The following STPG2 variants were observed in gnomAD, a reference collection of about 807,000 sequenced individuals.
STPG2 encodes sperm tail PG-rich repeat containing 2.
STPG2 carries 56 observed loss-of-function variants against 54.2 expected under a neutral mutation model. That is an observed-to-expected ratio of 1.03 (90% CI 0.83 to 1.29). The LOEUF is 1.29. Among genes scored for constraint, STPG2 ranks in the 50% most tolerant of loss-of-function variants. The pLI is 0.00. For synonymous variants in STPG2, 200 were observed against 181.8 expected (o/e 1.10, Z -0.81); for missense variants, 596 against 544.9 (o/e 1.09, Z -0.93).
chr4:97,988,028 AC>A, intron 5 of STPG2, among the ~76,000 whole-genome samples: 1 of 48,592 alleles, frequency 2.1e-5, no homozygotes, highest in Non-Finnish European at 5.1e-5. Context: ...TCTGAATGTC[AC>A]ACACACACAC....
chr4:97,931,220 GC>G (rs1211138553), intron 8 of STPG2, among the ~76,000 whole-genome samples: 2 of 152,114 alleles, frequency 1.3e-5, no homozygotes, highest in South Asian at 2.1e-4. Context: ...CCAATACTAT[GC>G]TGAATAAAAG....
At chr4:97,456,849 C>T (rs760125421) in intron 4 of STPG2, among the ~76,000 whole-genome samples, 7 of 141,520 alleles carry the variant, frequency 4.9e-5, no homozygotes, top group Admixed American at 2.8e-4. Context: ...GAGCTGAGAT[C>T]GCGCCACCGC....
intron 9 of STPG2, among the ~76,000 whole-genome samples, chr4:97,776,652 T>C (rs1294597837): frequency 6.6e-6 from 1 of 152,290 alleles, no homozygotes; most frequent in African/African-American, 2.4e-5. Flanking sequence ...ATTGGAATGA[T>C]AGGTGAAATT....
At chr4:97,806,203 T>C (rs1299462562) in intron 9 of STPG2, among the ~76,000 whole-genome samples, 1 of 152,166 alleles carries the variant, frequency 6.6e-6, no homozygotes, top group African/African-American at 2.4e-5. Flanking sequence ...AGAATGAAAC[T>C]GTGTCCTTGG....
At chr4:98,143,004 T>C (rs1365936640) in intron 1 of STPG2, 38 bp downstream of exon 1, 1 of 1,550,720 alleles carries the variant, frequency 6.4e-7, no homozygotes, top group Non-Finnish European at 8.8e-7. Context: ...GAAGATAGGA[T>C]GCCTGTCACA....
intron 8 of STPG2, among the ~76,000 whole-genome samples, chr4:97,890,985 T>G (rs1045552351): frequency 4.0e-5 from 6 of 151,876 alleles, no homozygotes; most frequent in Non-Finnish European, 8.8e-5. Flanking sequence ...AATTAAGAAT[T>G]AGTATTATAG....
At chr4:97,711,435 T>C (rs970723983) in intron 10 of STPG2, among the ~76,000 whole-genome samples, 19 of 152,114 alleles carry the variant, frequency 1.2e-4, no homozygotes, top group African/African-American at 4.3e-4. Flanking sequence ...ATACCCACCC[T>C]TGACTTCCAC....
At chr4:97,741,064 C>G (rs1429725503) in intron 9 of STPG2, among the ~76,000 whole-genome samples, 1 of 152,096 alleles carries the variant, frequency 6.6e-6, no homozygotes, top group East Asian at 1.9e-4. Context: ...CACCGCATAT[C>G]TACAACTATC....
chr4:98,075,552 A>T (rs1262133686), intron 5 of STPG2, among the ~76,000 whole-genome samples: 1 of 152,210 alleles, frequency 6.6e-6, no homozygotes, highest in Non-Finnish European at 1.5e-5. Context: ...TGGAATCTTT[A>T]TCCCTTAAGT....
At chr4:97,467,696 T>G (rs991714310) in intron 4 of STPG2, among the ~76,000 whole-genome samples, 3 of 151,992 alleles carry the variant, frequency 2.0e-5, no homozygotes, top group Admixed American at 2.0e-4. Context: ...TAGATTGTTT[T>G]GTTGACTGGA....
At chr4:97,538,251 A>T (rs966213664) in intron 4 of STPG2, among the ~76,000 whole-genome samples, 1 of 152,202 alleles carries the variant, frequency 6.6e-6, no homozygotes, top group Non-Finnish European at 1.5e-5. Flanking sequence ...TCTCCGAGCT[A>T]AAGGAGGAAG....
intron 4 of STPG2, among the ~76,000 whole-genome samples, chr4:97,449,600 T>C (rs1182918022): frequency 6.6e-6 from 1 of 152,216 alleles, no homozygotes; most frequent in Admixed American, 6.5e-5. Context: ...CTATGTGATA[T>C]GTATTAGTCC....
intron 4 of STPG2, among the ~76,000 whole-genome samples, chr4:97,476,157 G>A (rs533876556): frequency 3.9e-5 from 6 of 152,200 alleles, no homozygotes; most frequent in African/African-American, 1.4e-4. Flanking sequence ...ATAATATTCA[G>A]TTTTCCTATA....
chr4:97,611,749 T>C (rs1391265408), intron 10 of STPG2, among the ~76,000 whole-genome samples: 4 of 151,906 alleles, frequency 2.6e-5, no homozygotes, highest in African/African-American at 9.7e-5. Context: ...GTTATGAGAC[T>C]ATTAATTATT....
chr4:97,662,283 G>A (rs1268262541), intron 10 of STPG2, among the ~76,000 whole-genome samples: 4 of 151,768 alleles, frequency 2.6e-5, no homozygotes, highest in South Asian at 2.1e-4. Context: ...AAAAATGCTC[G>A]ACATCACTAA....
At chr4:97,883,184 T>A (rs987458005) in intron 8 of STPG2, among the ~76,000 whole-genome samples, 14 of 151,278 alleles carry the variant, frequency 9.3e-5, no homozygotes, top group Admixed American at 2.0e-4. Flanking sequence ...CATATATACA[T>A]ATATGTATAT....
In STPG2 at chr4:98,077,225, T is replaced by TTTTTTGTTG. The variant is rs1553939674; in HGVS notation, c.612+28727_612+28728insCAACAAAAA. ...AAAGTTCTTTTGCGTCCTCAATAGT[T>TTTTTTGTTG]TTGTTGTTGTTGTTGTTGTTGTTGT... is the stretch of plus-strand genomic sequence containing the variant. On this transcript the variant is annotated intron_variant, in intron 5 of 10. Transcript: ENST00000295268. Among the ~76,000 whole-genome samples, 751 of 148,680 alleles carry TTTTTTGTTG rather than the reference T, an allele frequency of 5.1e-3. 2 individuals carry two copies. The highest frequency in any genetic ancestry group is 0.021 in the Middle Eastern group (6 of 292).
chr4:97,691,812 C>T (rs766972635), intron 10 of STPG2, among the ~76,000 whole-genome samples: 4 of 152,132 alleles, frequency 2.6e-5, no homozygotes, highest in Admixed American at 6.5e-5. Context: ...CTACCTCCAC[C>T]GGGAGTAGGT....
intron 5 of STPG2, among the ~76,000 whole-genome samples, chr4:98,045,341 T>C (rs1382966395): frequency 6.6e-6 from 1 of 152,190 alleles, no homozygotes; most frequent in Non-Finnish European, 1.5e-5. Flanking sequence ...TTTCAGTTTT[T>C]TCCCTCTAAG....
Sources: gnomAD v4.1 joint callset for allele counts (sites outside exome capture counted in the v4.1 genomes callset) on GRCh38, gnomAD v4.1.1 for gene constraint, MANE v1.5 for transcripts, NCBI Gene and HGNC (gene_info 2026-07-23, HGNC 2026-07-21) for gene names.